FN1: variants seen among roughly 807,000 people sequenced by gnomAD.
FN1 encodes fibronectin 1, also known as fibronectin.
A neutral mutation model predicts 297.3 loss-of-function variants in FN1; 106 were observed. The ratio of observed to expected loss-of-function variants is 0.36; its 90% CI spans 0.30 to 0.42. The LOEUF is 0.42. Ranked by LOEUF, FN1 falls within the 10% of genes least tolerant of loss-of-function variation. The probability of loss-of-function intolerance (pLI) is 1.00; values close to 1 mark genes in which losing one functional copy is unlikely to be tolerated. For missense variants in FN1, 2,690 were observed against 3,124.9 expected (o/e 0.86, Z 3.32); for synonymous variants, 1,149 against 1,152.6 (o/e 1.00, Z 0.06).
intron 44 of FN1, chr2:215,364,238 A>G (rs145578318): frequency 6.1e-4 from 104 of 169,892 alleles, no homozygotes; most frequent in Admixed American, 1.2e-3. Flanking sequence ...TGCTAGACCT[A>G]TAACAAGCAT....
At chr2:215,381,227 C>CT (rs2058161834) in intron 32 of FN1, 147 bp from the exon 33 acceptor site, 7 of 762,418 alleles carry the variant, frequency 9.2e-6, no homozygotes, top group Non-Finnish European at 1.6e-5. Context: ...CACTTAAACA[C>CT]TTGCTTAATT....
chr2:215,388,357 AAGCACGCCC>A (rs1202610130), intron 26 of FN1, 56 bp from the exon 27 acceptor site: 1 of 1,224,616 alleles, frequency 8.2e-7, no homozygotes, highest in Non-Finnish European at 1.2e-6. Flanking sequence ...TGAGAAACTA[AAGCACGCCC>A]AGGACTATTT....
Position 215,436,040 on chromosome 2 carries a change from T to G in FN1, c.-238A>C, listed in dbSNP as rs2067421411. 5 of 817,630 alleles carry G rather than the reference T, an allele frequency of 6.1e-6. No individual in the cohort carries two copies. The highest frequency in any genetic ancestry group is 3.1e-5 in the Admixed American group (1 of 32,106). The allele number at this position is 817,630 out of a possible 1,614,324, so 50.6% of individuals were successfully genotyped here. A position where few individuals can be genotyped will look rare whatever the true frequency, so the allele number is the denominator to read the frequency against. On this transcript the variant is annotated 5_prime_UTR_variant, in exon 1 of 46. Transcript: ENST00000354785. ...CGCTCGCGCCTGGGGTTCCCTCTCC[T>G]CCCCCTGTGCAGCACAGCCGGCGCG...
In FN1 at chr2:215,435,952, C is replaced by CG; in HGVS notation, c.-151dup. ...GGGGGCCAGAGGGTGGGGAAGGGGACGGGTGGAGGGACAGAAGGGATGCAG... is the reference window on the plus strand; with the variant it reads ...GGGGGCCAGAGGGTGGGGAAGGGGACGGGGTGGAGGGACAGAAGGGATGCAG... On this transcript the variant is annotated 5_prime_UTR_variant, in exon 1 of 46. Transcript: ENST00000354785. 1 of 1,427,554 alleles carries CG rather than the reference C, an allele frequency of 7.0e-7. No individual in the cohort carries two copies. The highest frequency in any genetic ancestry group is 9.2e-7 in the Non-Finnish European group (1 of 1,088,928). 88.4% of individuals were successfully genotyped at this position (1,427,554 alleles called of 1,614,324 possible).
chr2:215,393,125 G>A lies in FN1; in HGVS notation c.3875C>T (p.Ser1292Phe). The change falls in exon 25 of 46, where the codon TCT (serine) becomes TTT (phenylalanine). Residue 1292 changes from serine to phenylalanine, a missense_variant. This residue lies in a region of FN1 where 1,743 missense variants were observed against 1,945.2 expected (regional missense o/e 0.90). Coordinates refer to ENST00000354785, the MANE Select transcript of FN1 (RefSeq NM_212482.4). ...SIGLRWTPLN[S>F]STIIGYRITV... ...GATGCGGTACCCAATAATGGTGGAAGAGTTTAGCGGGGTCCACCTCAGGCC... is the reference window on the plus strand; with the variant it reads ...GATGCGGTACCCAATAATGGTGGAAAAGTTTAGCGGGGTCCACCTCAGGCC... 1 of 1,614,048 alleles carries A rather than the reference G, an allele frequency of 6.2e-7. No homozygotes were observed. The highest frequency in any genetic ancestry group is 8.5e-7 in the Non-Finnish European group (1 of 1,180,000).
At chr2:215,394,427 C>T in intron 24 of FN1, 101 bp downstream of exon 24, 1 of 1,066,062 alleles carries the variant, frequency 9.4e-7, no homozygotes, top group Non-Finnish European at 1.5e-6. Context: ...GAATTAAATC[C>T]CAAATATAGT....
At chr2:215,365,373 G>T in intron 43 of FN1, 132 bp downstream of exon 43, 1 of 991,628 alleles carries the variant, frequency 1.0e-6, no homozygotes, top group Non-Finnish European at 1.6e-6. Context: ...CAAATCAAAA[G>T]ATTAAGAAAC....
rs573533523 is a variant in FN1 at position 215,409,924 on chromosome 2, G to A, written c.2122+10C>T. 2.7e-5 allele frequency: 44 copies of A among 1,613,728 alleles called. No individual in the cohort carries two copies. The East Asian group carries it at 4.5e-4, about 16-fold the overall frequency. On this transcript the variant is annotated intron_variant, in intron 14 of 45. Transcript: ENST00000354785. ...GGGGGTAGGAGGCATGAGGGTGGTT[G>A]TGTACATACTGGTCACAGGTGTGCT... is the stretch of plus-strand genomic sequence containing the variant.
At position 215,419,316 on chromosome 2, in the gene FN1, C is replaced by A. The variant is rs751937887; in HGVS notation, c.1745G>T (p.Gly582Val). 6.2e-7 allele frequency: 1 copy of A among 1,612,504 alleles called. No homozygotes were observed. Among genetic ancestry groups the A allele is most frequent in the East Asian group, 2.2e-5 (1 of 44,878 alleles). Residue 582 changes from glycine (G) to valine (V), a missense_variant, in exon 12 of 46, where the codon GGT (glycine) becomes GTT (valine). Physicochemically the swap from Gly to Val is moderately radical, Grantham distance 109. Around this residue, in one of 3 missense-constraint regions of FN1, gnomAD observed 876 missense variants for 1,058.1 expected, o/e 0.83. Transcript: ENST00000354785. ...IGDSWEKYVH[G>V]VRYQCYCYGR... ...ATAGCAGTAGCACTGGTATCTGACA[C>A]CATGCACATACTTCTCCCATGAATC... is the stretch of plus-strand genomic sequence containing the variant.
chr2:215,401,298 GA>G, intron 20 of FN1, among the ~76,000 whole-genome samples: 1 of 139,788 alleles, frequency 7.2e-6, no homozygotes, highest in African/African-American at 2.7e-5. Context: ...AAGAGAGAGA[GA>G]GAAAGGAAGG....
chr2:215,425,553 G>A (rs1014740275), intron 6 of FN1, among the ~76,000 whole-genome samples: 2 of 151,968 alleles, frequency 1.3e-5, no homozygotes, highest in African/African-American at 4.8e-5. Flanking sequence ...TTGTTTTTTG[G>A]TTTTTTGGGT....
At chr2:215,405,636 G>A (rs1442223731) in intron 19 of FN1, among the ~76,000 whole-genome samples, 2 of 152,178 alleles carry the variant, frequency 1.3e-5, no homozygotes, top group South Asian at 2.1e-4. Flanking sequence ...CCAGCTACTC[G>A]GGAGGCTGAG....
rs751031528 is a variant in FN1 at position 215,391,648 on chromosome 2, A to G, written c.4236T>C (p.Asn1412=). The change falls in exon 26 of 46, where the codon AAT becomes AAC. Residue 1412 remains asparagine, a synonymous_variant. Coordinates refer to ENST00000354785, the MANE Select transcript of FN1 (RefSeq NM_212482.4). The part of the protein sequence containing the change: ...VAELSISPSD[N]AVVLTNLLPG... ...ACTGCTTACTTGTTAAGACCACTGCATTGTCTGAAGGAGAAATTGACAACT... is the reference window on the plus strand; with the variant it reads ...ACTGCTTACTTGTTAAGACCACTGCGTTGTCTGAAGGAGAAATTGACAACT... 3 of 1,613,728 alleles carry G rather than the reference A, an allele frequency of 1.9e-6. No individual in the cohort carries two copies. The highest frequency in any genetic ancestry group is 1.7e-6 in the Non-Finnish European group (2 of 1,179,636).
intron 10 of FN1, 78 bp downstream of exon 10, chr2:215,422,013 T>G: frequency 7.4e-7 from 1 of 1,350,030 alleles, no homozygotes; most frequent in Non-Finnish European, 1.1e-6. Context: ...TTTGGCATAG[T>G]GCAAGTTTTC....
Position 215,365,488 on chromosome 2 carries a change from G to T in FN1, c.7144+17C>A, listed in dbSNP as rs765551193. On this transcript the variant is annotated intron_variant, in intron 43 of 45. Transcript: ENST00000354785. ...GAATGCTTAATAAGGCACTAAAAAT[G>T]ATCTGTGATGACATACGAGGGTCAC... 3 of 1,613,152 alleles carry T rather than the reference G, an allele frequency of 1.9e-6. No homozygotes were observed. Among genetic ancestry groups the T allele is most frequent in the East Asian group, 2.2e-5 (1 of 44,858 alleles).
At chr2:215,401,385 T>C (rs919159248) in intron 20 of FN1, among the ~76,000 whole-genome samples, 1 of 152,026 alleles carries the variant, frequency 6.6e-6, no homozygotes, top group Non-Finnish European at 1.5e-5. Flanking sequence ...TATATAAAGT[T>C]AAGATAGAGA....
In FN1 at chr2:215,409,551, T is replaced by A; in HGVS notation, c.2299+12A>T. On this transcript the variant is annotated intron_variant, in intron 15 of 45. Coordinates refer to ENST00000354785, the MANE Select transcript of FN1 (RefSeq NM_212482.4). Reference sequence around the variant, plus strand: ...TGCCCTGAACCTGTCTTGAGCGACATATTGAGCTTACCCAGGTACTGTGGC... The same window carrying A: ...TGCCCTGAACCTGTCTTGAGCGACAAATTGAGCTTACCCAGGTACTGTGGC... The A allele has an allele frequency of 6.2e-7, 1 of 1,612,300 alleles. No individual in the cohort carries two copies. Among genetic ancestry groups the A allele is most frequent in the Non-Finnish European group, 8.5e-7 (1 of 1,179,596 alleles).
intron 4 of FN1, 123 bp from the exon 5 acceptor site, chr2:215,430,975 G>A (rs1419707409): frequency 2.4e-5 from 23 of 957,988 alleles, no homozygotes; most frequent in Non-Finnish European, 2.8e-5. Context: ...GTGGCACTCT[G>A]TTCAGAAAGA....
Position 215,372,352 on chromosome 2 carries a change from G to A in FN1, c.6271C>T (p.Leu2091Phe). 1 of 1,614,196 alleles carries A rather than the reference G, an allele frequency of 6.2e-7. No individual in the cohort carries two copies. The highest frequency in any genetic ancestry group is 8.5e-7 in the Non-Finnish European group (1 of 1,180,028). The part of the protein sequence containing the change: ...KTDELPQLVT[L>F]PHPNLHGPEI... Reference sequence around the variant, plus strand: ...GGTCCATGAAGATTGGGGTGTGGAAGGGTTACCAGTTGGGGAAGCTCGTCT... The same window carrying A: ...GGTCCATGAAGATTGGGGTGTGGAAAGGTTACCAGTTGGGGAAGCTCGTCT... The change falls in exon 40 of 46, where the codon CTT (leucine) becomes TTT (phenylalanine). Residue 2091 changes from leucine to phenylalanine, a missense_variant. Leu to Phe is a conservative substitution (Grantham distance 22, BLOSUM62 0). Coordinates refer to ENST00000354785, the MANE Select transcript of FN1 (RefSeq NM_212482.4).
Sources: gnomAD v4.1 joint callset for allele counts (sites outside exome capture counted in the v4.1 genomes callset) on GRCh38, gnomAD v4.1.1 for gene constraint, gnomAD v4.1.1 regional missense constraint, MANE v1.5 for transcripts, NCBI Gene and HGNC (gene_info 2026-07-23, HGNC 2026-07-21) for gene names.